The following MFHAS1 variants were observed in gnomAD, a reference collection of about 807,000 sequenced individuals.
MFHAS1 encodes the protein multifunctional ROCO family signaling regulator 1.
In MFHAS1, 50 loss-of-function variants were observed where a neutral mutation model predicts 70.4. The ratio of observed to expected loss-of-function variants is 0.71; its 90% confidence interval spans 0.57 to 0.90. MFHAS1 has a LOEUF of 0.90. Among genes scored for constraint, MFHAS1 ranks in the 40% least tolerant of loss-of-function variants. MFHAS1 has a pLI of 0.00. For synonymous variants in MFHAS1, 952 were observed against 620.0 expected (o/e 1.54, Z -7.96); for missense variants, 1,795 against 1,347.6 (o/e 1.33, Z -5.20).
chr8:8,818,694 A>G lies in MFHAS1; in HGVS notation c.2999-21203T>C, dbSNP rs140193041. ...ACTCAATGTTGACTTCCTTCCTCAC[A>G]TCCTTGTTACCCTGAAATATAAAAA... On this transcript the variant is annotated intron_variant, in intron 1 of 2. Coordinates refer to ENST00000276282, the MANE Select transcript of MFHAS1 (RefSeq NM_004225.3). 5.4e-3 allele frequency among the ~76,000 whole-genome samples: 817 copies of G among 152,284 alleles called. 12 individuals are homozygous for G. Among genetic ancestry groups the G allele is most frequent in the African/African-American group, 0.019 (790 of 41,562 alleles).
chr8:8,786,062 G>C lies in MFHAS1; in HGVS notation c.3126-7C>G, dbSNP rs1585012997. 9 of 1,613,768 alleles carry C rather than the reference G, an allele frequency of 5.6e-6. No individual in the cohort carries two copies. Among genetic ancestry groups the C allele is most frequent in the East Asian group, 2.2e-5 (1 of 44,880 alleles). On this transcript the variant is annotated splice_polypyrimidine_tract_variant and splice_region_variant and intron_variant, in intron 2 of 2. Transcript: ENST00000276282. ...CTTTTCACCAACATTCTTCCTGTATGGGTGGACAACAAGAAAGCACAGAGA... is the reference window on the plus strand; with the variant it reads ...CTTTTCACCAACATTCTTCCTGTATCGGTGGACAACAAGAAAGCACAGAGA...
intron 1 of MFHAS1, among the ~76,000 whole-genome samples, chr8:8,888,699 T>C (rs757996564): frequency 6.6e-6 from 1 of 151,310 alleles, no homozygotes; most frequent in Non-Finnish European, 1.5e-5. Context: ...GTTGCCGGGG[T>C]TGGGGGGAAT....
intron 1 of MFHAS1, among the ~76,000 whole-genome samples, chr8:8,844,424 T>A (rs1359507743): frequency 6.6e-6 from 1 of 152,226 alleles, no homozygotes; most frequent in Non-Finnish European, 1.5e-5. Context: ...TTAGCCAGTC[T>A]TGTTTACCAA....
At chr8:8,793,923 C>T (rs1805803601) in intron 2 of MFHAS1, among the ~76,000 whole-genome samples, 1 of 152,152 alleles carries the variant, frequency 6.6e-6, no homozygotes, top group African/African-American at 2.4e-5. Context: ...CACGGTGGCT[C>T]ATGCCTGTAA....
chr8:8,849,324 G>C (rs1011062564), intron 1 of MFHAS1, among the ~76,000 whole-genome samples: 3 of 151,778 alleles, frequency 2.0e-5, no homozygotes, highest in African/African-American at 7.3e-5. Context: ...CAAGTGGCCT[G>C]CCTGCCTCAG....
At chr8:8,830,349 T>C (rs143569720) in intron 1 of MFHAS1, among the ~76,000 whole-genome samples, 138 of 152,366 alleles carry the variant, frequency 9.1e-4, no homozygotes, top group African/African-American at 3.1e-3. Flanking sequence ...TTATTAAGTG[T>C]CAGCCACCGT....
At chr8:8,840,260 T>G (rs1359200681) in intron 1 of MFHAS1, among the ~76,000 whole-genome samples, 1 of 152,038 alleles carries the variant, frequency 6.6e-6, no homozygotes, top group East Asian at 1.9e-4. Context: ...AGTTTCAGGC[T>G]AGCCTGGCCA....
intron 1 of MFHAS1, among the ~76,000 whole-genome samples, chr8:8,845,576 C>T (rs914373163): frequency 3.9e-5 from 6 of 152,240 alleles, no homozygotes; most frequent in African/African-American, 1.4e-4. Flanking sequence ...TGGCAGGCTC[C>T]GGGGAATGCT....
chr8:8,785,688 C>T lies in MFHAS1; in HGVS notation c.*334G>A. The T allele has an allele frequency of 3.4e-6, 1 of 297,900 alleles. No individual in the cohort carries two copies. The highest frequency in any genetic ancestry group is 6.6e-5 in the South Asian group (1 of 15,204). 18.5% of individuals were successfully genotyped at this position (297,900 alleles called of 1,614,324 possible). ...CTAAATACTGCCACCTGTACTGTAA[C>T]TATGGCTTATATGTGCACGGAAAAC... is the stretch of plus-strand genomic sequence containing the variant. On this transcript the variant is annotated 3_prime_UTR_variant, in exon 3 of 3. Transcript: ENST00000276282.
In MFHAS1 at chr8:8,824,369, C is replaced by T. The variant is rs138369333; in HGVS notation, c.2999-26878G>A. Among the ~76,000 whole-genome samples the T allele has an allele frequency of 1.2e-3, 189 of 152,240 alleles. 1 individual carries two copies. The highest frequency in any genetic ancestry group is 3.7e-3 in the African/African-American group (153 of 41,556). ...CCCGGAGTCCTTACCCACTCCAGCA[C>T]AGGAAAACCAGCCCTCATTTAGCCT... On this transcript the variant is annotated intron_variant, in intron 1 of 2. Coordinates refer to ENST00000276282, the MANE Select transcript of MFHAS1 (RefSeq NM_004225.3).
chr8:8,809,859 C>G (rs1216424039), intron 1 of MFHAS1, among the ~76,000 whole-genome samples: 1 of 152,230 alleles, frequency 6.6e-6, no homozygotes, highest in African/African-American at 2.4e-5. Flanking sequence ...TCACCTACTT[C>G]TTACTGGAAA....
chr8:8,790,143 G>T (rs1476980792), intron 2 of MFHAS1, among the ~76,000 whole-genome samples: 1 of 152,194 alleles, frequency 6.6e-6, no homozygotes, highest in Admixed American at 6.5e-5. Context: ...AAAGAATCAA[G>T]CAGTTCCCTT....
chr8:8,791,317 G>A lies in MFHAS1; in HGVS notation c.3126-5262C>T, dbSNP rs1251485024. ...CATGCCCATTTCCTGTATATTCAAG[G>A]GTCAGTCCATTAAGAAACCACATGT... On this transcript the variant is annotated intron_variant, in intron 2 of 2. Coordinates refer to ENST00000276282, the MANE Select transcript of MFHAS1 (RefSeq NM_004225.3). Among the ~76,000 whole-genome samples, 11 of 151,900 alleles carry A rather than the reference G, an allele frequency of 7.2e-5. No individual in the cohort carries two copies. The East Asian group carries it at 2.1e-3, about 29-fold the overall frequency.
intron 2 of MFHAS1, among the ~76,000 whole-genome samples, chr8:8,794,034 C>G (rs991609748): frequency 1.3e-5 from 2 of 152,018 alleles, no homozygotes; most frequent in African/African-American, 4.8e-5. Context: ...CCAAAAAATA[C>G]AAAAAATTAG....
intron 2 of MFHAS1, among the ~76,000 whole-genome samples, chr8:8,791,488 G>A (rs1805717979): frequency 6.6e-6 from 1 of 152,120 alleles, no homozygotes; most frequent in African/African-American, 2.4e-5. Flanking sequence ...GTTTGGTGGA[G>A]GACGGATTTG....
At chr8:8,867,428 G>A (rs562057968) in intron 1 of MFHAS1, among the ~76,000 whole-genome samples, 4 of 151,936 alleles carry the variant, frequency 2.6e-5, no homozygotes, top group East Asian at 3.9e-4. Context: ...TATAGGTGTC[G>A]CACAGAAAAT....
rs1810057412 is a variant in MFHAS1 at position 8,891,811 on chromosome 8, C to T, written c.1248G>A (p.Gly416=). The T allele has an allele frequency of 6.2e-7, 1 of 1,613,246 alleles. No individual in the cohort carries two copies. The highest frequency in any genetic ancestry group is 8.5e-7 in the Non-Finnish European group (1 of 1,179,970). ...GCAAAGTCTTTCCTGCAGCCTTATG[C>T]CCCATCAGGAGCAGCTTGAGCCGGG... ...VQPRLKLLLM[G]HKAAGKTLLR... Residue 416 remains glycine, a synonymous_variant, in exon 1 of 3, where the codon GGG becomes GGA. Transcript: ENST00000276282. The surrounding 1 kb of genome is among the most constrained non-coding windows in gnomAD (Gnocchi z 5.4).
chr8:8,890,551 G>A lies in MFHAS1; in HGVS notation c.2508C>T (p.Pro836=), dbSNP rs1370330145. 3 of 1,613,514 alleles carry A rather than the reference G, an allele frequency of 1.9e-6. No homozygotes were observed. Among genetic ancestry groups the A allele is most frequent in the Non-Finnish European group, 2.5e-6 (3 of 1,180,050 alleles). ...TGGACCCATTCAAAGGCTTGCCCTTGGGTTTATTGAGGCAGTAACAGAGTC... is the reference window on the plus strand; with the variant it reads ...TGGACCCATTCAAAGGCTTGCCCTTAGGTTTATTGAGGCAGTAACAGAGTC... ...KMGLCYCLNK[P]KGKPLNGSTA... is the part of the protein sequence containing the mutation. Residue 836 remains proline (P), a synonymous_variant, in exon 1 of 3, where the codon CCC becomes CCT. Coordinates refer to ENST00000276282, the MANE Select transcript of MFHAS1 (RefSeq NM_004225.3).
intron 1 of MFHAS1, among the ~76,000 whole-genome samples, chr8:8,812,249 G>A (rs1162759379): frequency 6.6e-6 from 1 of 152,136 alleles, no homozygotes; most frequent in Non-Finnish European, 1.5e-5. Context: ...GCAGAGATAC[G>A]AAGAATCATT....
Sources: gnomAD v4.1 joint callset for allele counts (sites outside exome capture counted in the v4.1 genomes callset) on GRCh38, gnomAD v4.1.1 for gene constraint, Gnocchi (gnomAD v3.1) non-coding constraint, MANE v1.5 for transcripts, NCBI Gene and HGNC (gene_info 2026-07-23, HGNC 2026-07-21) for gene names.